Variants in SFPQ observed in about 807,000 individuals in gnomAD.
SFPQ encodes splicing factor, proline- and glutamine-rich.
SFPQ carries 11 observed loss-of-function variants against 72.9 expected under a neutral mutation model. That is an observed-to-expected ratio of 0.15 (90% CI 0.09 to 0.25). SFPQ has a LOEUF of 0.25. Among genes scored for constraint, SFPQ ranks in the 10% least tolerant of loss-of-function variants. The probability of loss-of-function intolerance (pLI) is 1.00; values close to 1 mark genes in which losing one functional copy is unlikely to be tolerated. For synonymous variants in SFPQ, 506 were observed against 367.3 expected, an observed-to-expected ratio of 1.38 and a Z score of -4.32; for missense variants, 847 against 993.3, an observed-to-expected ratio of 0.85 and a Z score of 1.98.
At position 35,190,948 on chromosome 1, in the gene SFPQ, T is replaced by C; in HGVS notation, c.1065A>G (p.Thr355=). Reference sequence around the variant, plus strand: ...CTCGAAGCTGTCTACCTCTCATGGGTGTATCATCCAGTTCGGCTTTGGCAA... The same window carrying C: ...CTCGAAGCTGTCTACCTCTCATGGGCGTATCATCCAGTTCGGCTTTGGCAA... ...AEIAKAELDD[T]PMRGRQLRVR... The change falls in exon 3 of 10, where the codon ACA becomes ACG. Residue 355 remains threonine (T), a synonymous_variant. Coordinates refer to ENST00000357214, the MANE Select transcript of SFPQ (RefSeq NM_005066.3). The C allele has an allele frequency of 6.2e-7, 1 of 1,614,124 alleles. No homozygotes were observed. Among genetic ancestry groups the C allele is most frequent in the Non-Finnish European group, 8.5e-7 (1 of 1,180,020 alleles).
chr1:35,179,511 A>T (rs1639381006), downstream of SFPQ: 3 of 1,054,538 alleles, frequency 2.8e-6, no homozygotes, highest in Non-Finnish European at 3.4e-6. Context: ...ATGAAATACA[A>T]TGCAAGCACC....
chr1:35,192,633 C>T lies in SFPQ; in HGVS notation c.417G>A (p.Ser139=). Residue 139 remains serine, a synonymous_variant, in exon 1 of 10, where the codon TCG becomes TCA. Transcript: ENST00000357214. Reference sequence around the variant, plus strand: ...CTGGCCCGGACCCTGGCGGGGCCCCCGAGGTTGGTGGAGTGGCGGGCGGGG... The same window carrying T: ...CTGGCCCGGACCCTGGCGGGGCCCCTGAGGTTGGTGGAGTGGCGGGCGGGG... ...SSAPPATPPT[S]GAPPGSGPGP... is the part of the protein sequence containing the mutation. 1 of 1,376,048 alleles carries T rather than the reference C, an allele frequency of 7.3e-7. No individual in the cohort carries two copies. Among genetic ancestry groups the T allele is most frequent in the Non-Finnish European group, 9.3e-7 (1 of 1,073,716 alleles). The allele number at this position is 1,376,048 out of a possible 1,614,324, so 85.2% of individuals were successfully genotyped here.
chr1:35,183,225 C>CA lies in SFPQ; in HGVS notation c.*1230_*1231insT. ...AACTAAACCTACTTCAGTACTAAAC[C>CA]TTTTTTTTTTTTTGAGACAGAGTCT... On this transcript the variant is annotated 3_prime_UTR_variant, in exon 10 of 10. Transcript: ENST00000357214. 3.9e-6 allele frequency: 3 copies of CA among 760,868 alleles called. No individual in the cohort carries two copies. The highest frequency in any genetic ancestry group is 4.5e-6 in the Non-Finnish European group (3 of 665,982). The allele number at this position is 760,868 out of a possible 1,614,324, so 47.1% of individuals were successfully genotyped here.
chr1:35,179,860 C>T, downstream of SFPQ: 3 of 1,054,032 alleles, frequency 2.8e-6, no homozygotes, highest in Non-Finnish European at 3.4e-6. Flanking sequence ...GCACTGGCCA[C>T]CGATTTAATG....
chr1:35,193,120 C>G lies in SFPQ; in HGVS notation c.-71G>C. ...AGGAAACGTGGAGGCCACCTTGCTT[C>G]TCACAAAATGGCGGATGACACAGGC... On this transcript the variant is annotated 5_prime_UTR_variant, in exon 1 of 10. Transcript: ENST00000357214. 2.0e-6 allele frequency: 3 copies of G among 1,486,464 alleles called. No individual in the cohort carries two copies. Among genetic ancestry groups the G allele is most frequent in the Non-Finnish European group, 1.8e-6 (2 of 1,126,268 alleles). The allele number at this position is 1,486,464 out of a possible 1,614,324, so 92.1% of individuals were successfully genotyped here.
At chr1:35,180,442 T>C (rs1639420598), downstream of SFPQ, 3 of 1,049,208 alleles carry the variant, frequency 2.9e-6, no homozygotes, top group East Asian at 5.5e-5. Context: ...TGTCTTATGA[T>C]TGGGAATGAT....
rs1300663246 is a variant in SFPQ, at chr1:35,188,103, A to G, written c.1698-13T>C. The G allele has an allele frequency of 1.3e-6, 2 of 1,552,576 alleles. No individual in the cohort carries two copies. Among genetic ancestry groups the G allele is most frequent in the African/African-American group, 2.7e-5 (2 of 73,690 alleles). On this transcript the variant is annotated splice_polypyrimidine_tract_variant and intron_variant, in intron 6 of 9. Coordinates refer to ENST00000357214, the MANE Select transcript of SFPQ (RefSeq NM_005066.3). Reference sequence around the variant, plus strand: ...TTCCTCCTCTTGCCTAGAAATACCCATCAGGTACATAACTGAAGTGTTATC... The same window carrying G: ...TTCCTCCTCTTGCCTAGAAATACCCGTCAGGTACATAACTGAAGTGTTATC...
At chr1:35,180,385 T>C, downstream of SFPQ, 46 of 1,020,164 alleles carry the variant, frequency 4.5e-5, no homozygotes, top group Non-Finnish European at 5.4e-5. Flanking sequence ...GGAACCAAAT[T>C]CAAAAAGCTA....
chr1:35,183,160 A>AAC lies in SFPQ; in HGVS notation c.*1295_*1296insGT, dbSNP rs1027186371. On this transcript the variant is annotated 3_prime_UTR_variant, in exon 10 of 10. Coordinates refer to ENST00000357214, the MANE Select transcript of SFPQ (RefSeq NM_005066.3). ...ATAGATTTTGCCCAACAGAAGTAGC[A>AAC]CAAGGAGATGTAAAAGTTACAGAGT... is the stretch of plus-strand genomic sequence containing the variant. 1 of 1,024,626 alleles carries AAC rather than the reference A, an allele frequency of 9.8e-7. No individual in the cohort carries two copies. The highest frequency in any genetic ancestry group is 1.2e-6 in the Non-Finnish European group (1 of 853,432). The allele number at this position is 1,024,626 out of a possible 1,614,324, so 63.5% of individuals were successfully genotyped here.
chr1:35,189,388 A>G lies in SFPQ; in HGVS notation c.1416-6T>C, dbSNP rs1340627725. On this transcript the variant is annotated splice_polypyrimidine_tract_variant and splice_region_variant and intron_variant, in intron 4 of 9. Coordinates refer to ENST00000357214, the MANE Select transcript of SFPQ (RefSeq NM_005066.3). ...GAGGAGGGGTTTCTCTCTCCCTAAC[A>G]ATACACAAAATTTTAACATGAACCG... The G allele has an allele frequency of 1.2e-6, 2 of 1,609,142 alleles. No homozygotes were observed. The highest frequency in any genetic ancestry group is 1.7e-6 in the Non-Finnish European group (2 of 1,176,702).
In SFPQ at chr1:35,192,670, G is replaced by A. The variant is rs765842086; in HGVS notation, c.380C>T (p.Ala127Val). Residue 127 changes from alanine to valine, a missense_variant, in exon 1 of 10, where the codon GCC (alanine) becomes GTC (valine). Ala to Val is a moderately conservative substitution (Grantham distance 64). Transcript: ENST00000357214. The stretch of plus-strand genomic sequence containing the variant: ...AGTGGCGGGCGGGGCCGAGCTGGAG[G>A]CTGGTGGTGCGCTGCCTACTCCGGG... Reference protein sequence around the residue: ...PAPGVGSAPPASSSAPPATPP... With the variant: ...PAPGVGSAPPVSSSAPPATPP... The A allele has an allele frequency of 1.6e-5, 23 of 1,404,534 alleles. No individual in the cohort carries two copies. Among genetic ancestry groups the A allele is most frequent in the Non-Finnish European group, 2.1e-5 (23 of 1,087,976 alleles). The allele number at this position is 1,404,534 out of a possible 1,614,324, so 87.0% of individuals were successfully genotyped here.
At chr1:35,179,965 T>C (rs2148605176), downstream of SFPQ, 1 of 1,055,562 alleles carries the variant, frequency 9.5e-7, no homozygotes, top group South Asian at 4.6e-5. Flanking sequence ...CATTATATTG[T>C]TGATATGCAG....
Position 35,190,606 on chromosome 1 carries a change from A to G in SFPQ, c.1320-13T>C. The G allele has an allele frequency of 6.2e-7, 1 of 1,610,460 alleles. No individual in the cohort carries two copies. Among genetic ancestry groups the G allele is most frequent in the South Asian group, 1.1e-5 (1 of 90,358 alleles). On this transcript the variant is annotated splice_polypyrimidine_tract_variant and intron_variant, in intron 3 of 9. Coordinates refer to ENST00000357214, the MANE Select transcript of SFPQ (RefSeq NM_005066.3). Reference sequence around the variant, plus strand: ...TGGACGAGGAGTTCTAATAACAAAAATGGTTCCATCTTAGCTTTGTTCCAG... The same window carrying G: ...TGGACGAGGAGTTCTAATAACAAAAGTGGTTCCATCTTAGCTTTGTTCCAG...
chr1:35,180,769 G>T (rs184171249), downstream of SFPQ: 4 of 1,061,432 alleles, frequency 3.8e-6, no homozygotes, highest in Non-Finnish European at 4.6e-6. Context: ...CATGCTATAC[G>T]GTCCATGTCA....
Position 35,183,683 on chromosome 1 carries a change from C to G in SFPQ, c.*773G>C. On this transcript the variant is annotated 3_prime_UTR_variant, in exon 10 of 10. Coordinates refer to ENST00000357214, the MANE Select transcript of SFPQ (RefSeq NM_005066.3). ...TTGAGATTTGTTGGTCTTTTAAAAA[C>G]AAGAAATGGGGAAATGCAACAAAAT... 1 of 1,040,546 alleles carries G rather than the reference C, an allele frequency of 9.6e-7. No homozygotes were observed. Among genetic ancestry groups the G allele is most frequent in the Non-Finnish European group, 1.2e-6 (1 of 863,508 alleles). The allele number at this position is 1,040,546 out of a possible 1,614,324, so 64.5% of individuals were successfully genotyped here.
intron 9 of SFPQ, among the ~76,000 whole-genome samples, chr1:35,185,820 A>G (rs1251599262): frequency 2.0e-5 from 3 of 152,198 alleles, no homozygotes; most frequent in Non-Finnish European, 4.4e-5. Context: ...AAAAAAAGAA[A>G]AAGTTGGGGC....
Position 35,193,127 on chromosome 1 carries a change from A to T in SFPQ, c.-78T>A, listed in dbSNP as rs956595237. The T allele has an allele frequency of 6.7e-7, 1 of 1,483,964 alleles. No homozygotes were observed. The highest frequency in any genetic ancestry group is 2.3e-5 in the Admixed American group (1 of 43,064). 91.9% of individuals were successfully genotyped at this position (1,483,964 alleles called of 1,614,324 possible). ...GTGGAGGCCACCTTGCTTCTCACAA[A>T]ATGGCGGATGACACAGGCGGCGCGC... On this transcript the variant is annotated 5_prime_UTR_variant, in exon 1 of 10. Coordinates refer to ENST00000357214, the MANE Select transcript of SFPQ (RefSeq NM_005066.3).
In SFPQ at chr1:35,192,475, G is replaced by A. The variant is rs1231507554; in HGVS notation, c.575C>T (p.Pro192Leu). 1.5e-6 allele frequency: 2 copies of A among 1,334,844 alleles called. No homozygotes were observed. The highest frequency in any genetic ancestry group is 1.9e-6 in the Non-Finnish European group (2 of 1,050,058). 82.7% of individuals were successfully genotyped at this position (1,334,844 alleles called of 1,614,324 possible). The part of the protein sequence containing the change: ...GGPPPPPAAV[P>L]GPGPGPKQGP... ...CTGCTTAGGCCCTGGACCCGGGCCCGGGACTGCCGCGGGCGGAGGCGGCGG... is the reference window on the plus strand; with the variant it reads ...CTGCTTAGGCCCTGGACCCGGGCCCAGGACTGCCGCGGGCGGAGGCGGCGG... Residue 192 changes from proline (P) to leucine (L), a missense_variant, in exon 1 of 10, where the codon CCG (proline) becomes CTG (leucine). By Grantham distance (98) the Pro-to-Leu change is moderately conservative. Coordinates refer to ENST00000357214, the MANE Select transcript of SFPQ (RefSeq NM_005066.3).
At chr1:35,188,205 C>A in intron 6 of SFPQ, 115 bp from the exon 7 acceptor site, 1 of 772,212 alleles carries the variant, frequency 1.3e-6, no homozygotes, top group South Asian at 1.5e-5. Context: ...AACACAAAGG[C>A]TTAGAGTGAG....
Sources: allele counts gnomAD v4.1 joint callset (sites outside exome capture counted in the v4.1 genomes callset), GRCh38; gene constraint gnomAD v4.1.1; transcripts MANE v1.5; gene names NCBI Gene and HGNC (gene_info 2026-07-23, HGNC 2026-07-21).